The following LRRN2 variants were observed in gnomAD, a reference collection of about 807,000 sequenced individuals.
LRRN2 encodes leucine-rich repeat neuronal protein 2.
A neutral mutation model predicts 35.7 loss-of-function variants in LRRN2; 10 were observed. The ratio of observed to expected loss-of-function variants is 0.28; its 90% CI spans 0.17 to 0.47. The LOEUF is 0.47. Ranked by LOEUF, LRRN2 falls within the 20% of genes least tolerant of loss-of-function variation. LRRN2 has a pLI of 0.99. For missense variants in LRRN2, 731 were observed against 940.3 expected (o/e 0.78, Z 2.91); for synonymous variants, 391 against 409.6 (o/e 0.95, Z 0.55).
intron 1 of LRRN2, among the ~76,000 whole-genome samples, chr1:204,647,052 G>A (rs1411108): frequency 0.42 from 64,126 of 151,952 alleles, 15,284 homozygotes; most frequent in Admixed American, 0.51. Flanking sequence ...CACGAGTGTG[G>A]CTGGCTTGAC....
At chr1:204,637,467 C>T (rs144207624) in intron 1 of LRRN2, among the ~76,000 whole-genome samples, 241 of 152,312 alleles carry the variant, frequency 1.6e-3, no homozygotes, top group Non-Finnish European at 2.5e-3. Flanking sequence ...CCAGGCCCCA[C>T]AGGGCTGCCC....
intron 1 of LRRN2, among the ~76,000 whole-genome samples, chr1:204,635,290 C>T (rs1225296711): frequency 6.6e-6 from 1 of 152,046 alleles, no homozygotes; most frequent in Non-Finnish European, 1.5e-5. Flanking sequence ...ATTCTCTGGG[C>T]TTATATATAT....
intron 1 of LRRN2, among the ~76,000 whole-genome samples, chr1:204,678,419 G>A (rs1342928301): frequency 1.3e-5 from 2 of 152,172 alleles, no homozygotes; most frequent in Non-Finnish European, 2.9e-5. Flanking sequence ...GCCGCTGAGG[G>A]AAAAGCTGGA....
Position 204,617,855 on chromosome 1 carries a change from G to T in LRRN2, c.2138C>A (p.Ser713Tyr). ...CTGCTGAGAACAGGCTGAGCTTCAA[G>T]AATTTTGAGACAATGGTGGCAACAG... The part of the protein sequence containing the change: ...ETLLPPLSQN[S>Y] The change falls in exon 2 of 2, where the codon TCT (serine) becomes TAT (tyrosine). Residue 713 changes from serine to tyrosine, a missense_variant. Physicochemically the swap from Ser to Tyr is moderately radical, Grantham distance 144. This residue lies in a region of LRRN2 where 229 missense variants were observed against 258.4 expected (regional missense o/e 0.89). Transcript: ENST00000367177. The T allele has an allele frequency of 6.2e-7, 1 of 1,614,130 alleles. No individual in the cohort carries two copies. Among genetic ancestry groups the T allele is most frequent in the South Asian group, 1.1e-5 (1 of 91,078 alleles).
chr1:204,661,775 C>T (rs780787389), intron 1 of LRRN2, among the ~76,000 whole-genome samples: 9 of 152,138 alleles, frequency 5.9e-5, no homozygotes, highest in East Asian at 1.9e-4. Context: ...AGAGAAAGTA[C>T]GGTGAGGACA....
intron 1 of LRRN2, among the ~76,000 whole-genome samples, chr1:204,640,213 C>T (rs1667948763): frequency 6.6e-6 from 1 of 152,128 alleles, no homozygotes; most frequent in African/African-American, 2.4e-5. Flanking sequence ...GATGGAGGGC[C>T]ATCTTCTCAC....
At chr1:204,663,070 T>C (rs1668503876) in intron 1 of LRRN2, among the ~76,000 whole-genome samples, 1 of 152,164 alleles carries the variant, frequency 6.6e-6, no homozygotes, top group African/African-American at 2.4e-5. Context: ...ATTAATTCTA[T>C]AATCTGCCCT....
intron 1 of LRRN2, among the ~76,000 whole-genome samples, chr1:204,678,413 C>A (rs1411648576): frequency 6.6e-6 from 1 of 152,174 alleles, no homozygotes; most frequent in Non-Finnish European, 1.5e-5. Flanking sequence ...TGACTAGCCG[C>A]TGAGGGAAAA....
At chr1:204,657,456 T>A (rs1160724802) in intron 1 of LRRN2, among the ~76,000 whole-genome samples, 1 of 151,856 alleles carries the variant, frequency 6.6e-6, no homozygotes, top group African/African-American at 2.4e-5. Flanking sequence ...TTTGAAAACA[T>A]GCTAAGTGGA....
intron 1 of LRRN2, among the ~76,000 whole-genome samples, chr1:204,684,416 G>A (rs1669020468): frequency 6.6e-6 from 1 of 152,142 alleles, no homozygotes; most frequent in South Asian, 2.1e-4. Context: ...CGTTTGGGTG[G>A]GGGAGGAAGG....
intron 1 of LRRN2, chr1:204,621,957 A>G (rs1453366741): frequency 6.0e-6 from 1 of 167,142 alleles, no homozygotes; most frequent in African/African-American, 2.4e-5. Context: ...CATAACAGGT[A>G]CATGAGATAA....
rs1210178782 is a variant in LRRN2 at position 204,619,866 on chromosome 1, G to A, written c.127C>T (p.Pro43Ser). The change falls in exon 2 of 2, where the codon CCC becomes TCC. Residue 43 changes from proline to serine, a missense_variant. Pro to Ser is a moderately conservative substitution (Grantham distance 74). Coordinates refer to ENST00000367177, the MANE Select transcript of LRRN2 (RefSeq NM_201630.2). ...CACQIRPWYT[P>S]RSSYREATTV... ...GTAGCCTCGCGGTAGGACGAGCGGG[G>A]CGTATACCAGGGCCGGATCTGGCAG... is the stretch of plus-strand genomic sequence containing the variant. The A allele has an allele frequency of 6.2e-7, 1 of 1,613,898 alleles. No homozygotes were observed. The highest frequency in any genetic ancestry group is 8.5e-7 in the Non-Finnish European group (1 of 1,179,928).
intron 1 of LRRN2, among the ~76,000 whole-genome samples, chr1:204,658,125 G>A (rs1435107773): frequency 1.3e-5 from 2 of 151,830 alleles, no homozygotes; most frequent in Non-Finnish European, 2.9e-5. Flanking sequence ...CTACAGGCAC[G>A]TGCCACCATG....
At chr1:204,662,748 C>T (rs758804698) in intron 1 of LRRN2, among the ~76,000 whole-genome samples, 10 of 152,196 alleles carry the variant, frequency 6.6e-5, no homozygotes, top group African/African-American at 1.2e-4. Flanking sequence ...CCTAAATACA[C>T]ATTTGATGAG....
At chr1:204,680,684 G>A (rs1041878011) in intron 1 of LRRN2, among the ~76,000 whole-genome samples, 5 of 152,168 alleles carry the variant, frequency 3.3e-5, no homozygotes, top group Admixed American at 1.3e-4. Context: ...TGTTCTGGGC[G>A]ACCAGCCAGC....
intron 1 of LRRN2, among the ~76,000 whole-genome samples, chr1:204,676,377 T>C (rs5000782): frequency 6.6e-6 from 1 of 151,810 alleles, no homozygotes; most frequent in Admixed American, 6.6e-5. Context: ...TTCTGAGCTT[T>C]GTACTGCTTC....
chr1:204,623,264 C>T (rs1472030820), intron 1 of LRRN2, among the ~76,000 whole-genome samples: 3 of 152,166 alleles, frequency 2.0e-5, no homozygotes, highest in South Asian at 2.1e-4. Flanking sequence ...TGGTTCTAAG[C>T]GCTGAGTCCG....
chr1:204,617,791 C>T lies in LRRN2; in HGVS notation c.*60G>A. 1 of 1,588,634 alleles carries T rather than the reference C, an allele frequency of 6.3e-7. No homozygotes were observed. The highest frequency in any genetic ancestry group is 1.1e-5 in the South Asian group (1 of 89,404). ...CTGGCAGGGCATCTGGCCCAGACTG[C>T]TTCTCTTTTGGTAAAAAGTAGTCCT... is the stretch of plus-strand genomic sequence containing the variant. On this transcript the variant is annotated 3_prime_UTR_variant, in exon 2 of 2. Transcript: ENST00000367177.
chr1:204,635,789 A>C (rs1667819542), intron 1 of LRRN2, among the ~76,000 whole-genome samples: 1 of 152,234 alleles, frequency 6.6e-6, no homozygotes, highest in African/African-American at 2.4e-5. Context: ...AGGTGGTCTC[A>C]GAATTTTGGA....
Sources: gnomAD v4.1 joint callset for allele counts (sites outside exome capture counted in the v4.1 genomes callset) on GRCh38, gnomAD v4.1.1 for gene constraint, gnomAD v4.1.1 regional missense constraint, MANE v1.5 for transcripts, NCBI Gene and HGNC (gene_info 2026-07-23, HGNC 2026-07-21) for gene names.